The following ZEB1 variants were observed in gnomAD, a reference collection of about 807,000 sequenced individuals.
ZEB1 encodes zinc finger E-box-binding homeobox 1.
ZEB1 carries 21 observed loss-of-function variants against 84.9 expected under a neutral mutation model. The ratio of observed to expected loss-of-function variants is 0.25; its 90% CI spans 0.18 to 0.36. The LOEUF (loss-of-function observed/expected upper bound fraction) is 0.36. Among genes scored for constraint, ZEB1 ranks in the 10% least tolerant of loss-of-function variants. The pLI is 1.00. For synonymous variants in ZEB1, 420 were observed against 471.1 expected, an observed-to-expected ratio of 0.89 and a Z score of 1.41; for missense variants, 1,104 against 1,330.2, an observed-to-expected ratio of 0.83 and a Z score of 2.65.
chr10:31,502,654 T>C (rs775296075), intron 4 of ZEB1, 145 bp downstream of exon 4: 23 of 949,724 alleles, frequency 2.4e-5, no homozygotes, highest in Middle Eastern at 2.4e-4. Context: ...TAATCTGTTT[T>C]ATTAATGGAA....
chr10:31,405,164 A>G (rs1034637913), intron 1 of ZEB1, among the ~76,000 whole-genome samples: 1 of 152,154 alleles, frequency 6.6e-6, no homozygotes, highest in African/African-American at 2.4e-5. Flanking sequence ...TTAAATGATG[A>G]CTTACGGACA....
chr10:31,404,923 TG>T (rs1334733255), intron 1 of ZEB1, among the ~76,000 whole-genome samples: 8 of 152,130 alleles, frequency 5.3e-5, no homozygotes, highest in Non-Finnish European at 4.4e-5. Flanking sequence ...GCTGGCTTCA[TG>T]GGTGTGCAAC....
chr10:31,343,967 A>G (rs1366495973), intron 1 of ZEB1, among the ~76,000 whole-genome samples: 2 of 152,154 alleles, frequency 1.3e-5, no homozygotes, highest in South Asian at 4.1e-4. Flanking sequence ...TTTTTCTATT[A>G]TAGAGGTTTC....
chr10:31,446,577 G>A (rs1266636141), intron 1 of ZEB1, among the ~76,000 whole-genome samples: 4 of 151,486 alleles, frequency 2.6e-5, no homozygotes, highest in Admixed American at 6.6e-5. Context: ...TCTACACACT[G>A]CTTTGAATGC....
At chr10:31,488,213 G>A (rs1010747997) in intron 2 of ZEB1, among the ~76,000 whole-genome samples, 4 of 151,018 alleles carry the variant, frequency 2.6e-5, no homozygotes, top group Non-Finnish European at 4.5e-5. Context: ...GTTTTGTTTT[G>A]CTTAGGAGGA....
chr10:31,401,675 A>G (rs2052032703), intron 1 of ZEB1, among the ~76,000 whole-genome samples: 1 of 152,196 alleles, frequency 6.6e-6, no homozygotes, highest in Non-Finnish European at 1.5e-5. Flanking sequence ...TTGCATTTTC[A>G]AAATAAGTGT....
chr10:31,401,450 G>A (rs755975862), intron 1 of ZEB1, among the ~76,000 whole-genome samples: 5 of 152,194 alleles, frequency 3.3e-5, no homozygotes, highest in Non-Finnish European at 7.3e-5. Flanking sequence ...TGTGATGGGT[G>A]TGGCTCGTAA....
intron 1 of ZEB1, among the ~76,000 whole-genome samples, chr10:31,348,145 G>C (rs2040648383): frequency 6.6e-6 from 1 of 152,172 alleles, no homozygotes; most frequent in Non-Finnish European, 1.5e-5. Context: ...GAGAATCAGT[G>C]CCTATATATT....
chr10:31,403,107 A>T (rs1488641562), intron 1 of ZEB1, among the ~76,000 whole-genome samples: 1 of 152,088 alleles, frequency 6.6e-6, no homozygotes, highest in African/African-American at 2.4e-5. Context: ...CTTGAATTCA[A>T]ATATTAGTTT....
At chr10:31,323,638 C>T (rs913478411) in intron 1 of ZEB1, among the ~76,000 whole-genome samples, 1 of 151,930 alleles carries the variant, frequency 6.6e-6, no homozygotes, top group African/African-American at 2.4e-5. Flanking sequence ...CTCTGTAGTT[C>T]GTACGTTGCT....
At chr10:31,446,883 T>A (rs223524) in intron 1 of ZEB1, among the ~76,000 whole-genome samples, 11,871 of 152,126 alleles carry the variant, frequency 0.078, 654 homozygotes, top group African/African-American at 0.16. Context: ...AAAAAATGTA[T>A]ATTCTTTTGA....
intron 6 of ZEB1, among the ~76,000 whole-genome samples, chr10:31,515,480 T>C (rs987585234): frequency 6.6e-6 from 1 of 152,128 alleles, no homozygotes; most frequent in Admixed American, 6.6e-5. Flanking sequence ...AAAAAATTAT[T>C]AACCATGAAT....
At chr10:31,371,104 G>A (rs1377632636) in intron 1 of ZEB1, among the ~76,000 whole-genome samples, 1 of 152,044 alleles carries the variant, frequency 6.6e-6, no homozygotes, top group African/African-American at 2.4e-5. Flanking sequence ...TCGTCTGCTG[G>A]AACATGAAAC....
chr10:31,458,623 G>A (rs1199793306), intron 1 of ZEB1, among the ~76,000 whole-genome samples: 1 of 151,756 alleles, frequency 6.6e-6, no homozygotes, highest in Admixed American at 6.6e-5. Context: ...TAATATTTAT[G>A]GAAACATAAA....
At chr10:31,401,648 A>G (rs2052025303) in intron 1 of ZEB1, among the ~76,000 whole-genome samples, 1 of 152,188 alleles carries the variant, frequency 6.6e-6, no homozygotes, top group Admixed American at 6.5e-5. Flanking sequence ...TAATAAACCA[A>G]CTGCACTGAA....
chr10:31,321,110 C>G (rs2132911383), intron 1 of ZEB1: 1 of 1,017,742 alleles, frequency 9.8e-7, no homozygotes, highest in East Asian at 9.5e-5. Flanking sequence ...GCTCCCCCAG[C>G]CCCACCCCCC....
Position 31,420,085 on chromosome 10 carries a change from G to T in ZEB1, c.59-40952G>T, listed in dbSNP as rs533629888. ...AATTTCTACTTCGATGACCTTTGCT[G>T]AAAATACAGCCACTCTTAAGTCCTA... On this transcript the variant is annotated intron_variant, in intron 1 of 8. Coordinates refer to ENST00000424869, the MANE Select transcript of ZEB1 (RefSeq NM_001174096.2). Among the ~76,000 whole-genome samples, 13 of 152,188 alleles carry T rather than the reference G, an allele frequency of 8.5e-5. No homozygotes were observed. The South Asian group carries it at 2.7e-3, about 32-fold the overall frequency.
chr10:31,359,047 A>G (rs1039977181), intron 1 of ZEB1, among the ~76,000 whole-genome samples: 4 of 152,174 alleles, frequency 2.6e-5, no homozygotes, highest in African/African-American at 9.7e-5. Context: ...AATCAAGGTA[A>G]CAAACAAATA....
At chr10:31,334,081 T>C (rs1337951669) in intron 1 of ZEB1, among the ~76,000 whole-genome samples, 1 of 152,040 alleles carries the variant, frequency 6.6e-6, no homozygotes, top group Non-Finnish European at 1.5e-5. Context: ...AATTTATCAT[T>C]ATTATAGCTT....
Sources: allele counts gnomAD v4.1 joint callset (sites outside exome capture counted in the v4.1 genomes callset), GRCh38; gene constraint gnomAD v4.1.1; transcripts MANE v1.5; gene names NCBI Gene and HGNC (gene_info 2026-07-23, HGNC 2026-07-21).